Variants in DTD1 observed in about 807,000 individuals in gnomAD.
DTD1 encodes the protein D-aminoacyl-tRNA deacylase 1, also known as D-tyrosyl-tRNA deacylase 1 homolog.
In DTD1, 13 loss-of-function variants were observed where a neutral mutation model predicts 25.6. The observed-to-expected ratio is 0.51, with a 90% confidence interval of 0.33 to 0.81. DTD1 has a LOEUF of 0.81. Ranked by LOEUF, DTD1 falls within the 30% of genes least tolerant of loss-of-function variation. The pLI, the probability that DTD1 is intolerant of heterozygous loss-of-function variation, is 0.02. For missense variants in DTD1, 193 were observed against 266.4 expected (o/e 0.72, Z 1.92); for synonymous variants, 110 against 103.6 (o/e 1.06, Z -0.37).
At chr20:18,626,008 C>T (rs1267406996) in intron 3 of DTD1, among the ~76,000 whole-genome samples, 2 of 152,212 alleles carry the variant, frequency 1.3e-5, no homozygotes, top group South Asian at 2.1e-4. Flanking sequence ...CATTGGTACA[C>T]GCCTTTTGTT....
chr20:18,643,469 G>T (rs2060838240), intron 4 of DTD1: 1 of 194,780 alleles, frequency 5.1e-6, no homozygotes. Context: ...CTTCTGTATT[G>T]ATTTCTAAAG....
chr20:18,598,662 T>C (rs1262364611), intron 3 of DTD1, among the ~76,000 whole-genome samples: 1 of 137,162 alleles, frequency 7.3e-6, no homozygotes, highest in Admixed American at 7.8e-5. Flanking sequence ...CACACCCGGC[T>C]AATTTTTTTT....
At chr20:18,716,052 T>C (rs376629692) in intron 4 of DTD1, among the ~76,000 whole-genome samples, 15 of 152,320 alleles carry the variant, frequency 9.8e-5, no homozygotes, top group African/African-American at 3.6e-4. Context: ...CTTGGTTTGC[T>C]AGAAGCTTCA....
At chr20:18,653,384 A>G (rs191913153) in intron 4 of DTD1, among the ~76,000 whole-genome samples, 12 of 152,184 alleles carry the variant, frequency 7.9e-5, no homozygotes, top group Non-Finnish European at 1.5e-4. Context: ...ACAGAGTGAG[A>G]CTCTGTCTCA....
intron 3 of DTD1, among the ~76,000 whole-genome samples, chr20:18,598,088 G>C (rs190195317): frequency 6.6e-6 from 1 of 152,156 alleles, no homozygotes; most frequent in African/African-American, 2.4e-5. Context: ...ATAGTGGTTT[G>C]CTGCATCCAT....
At chr20:18,694,995 CCA>C (rs1771041144) in intron 4 of DTD1, among the ~76,000 whole-genome samples, 1 of 152,050 alleles carries the variant, frequency 6.6e-6, no homozygotes, top group Admixed American at 6.5e-5. Flanking sequence ...AGTATATGTG[CCA>C]ATAGATTCCC....
intron 4 of DTD1, among the ~76,000 whole-genome samples, chr20:18,628,881 T>A (rs2060770561): frequency 6.6e-6 from 1 of 152,050 alleles, no homozygotes; most frequent in Non-Finnish European, 1.5e-5. Flanking sequence ...TTTCCATTCT[T>A]CCTTCCCAGT....
chr20:18,726,711 T>C (rs1214107419), intron 4 of DTD1, among the ~76,000 whole-genome samples: 1 of 152,154 alleles, frequency 6.6e-6, no homozygotes, highest in Non-Finnish European at 1.5e-5. Context: ...TTGATACCAT[T>C]CCCAATACCT....
chr20:18,648,832 T>A (rs1002610583), intron 4 of DTD1, among the ~76,000 whole-genome samples: 1 of 151,502 alleles, frequency 6.6e-6, no homozygotes, highest in African/African-American at 2.4e-5. Flanking sequence ...TCGTCTCTAC[T>A]AAAAATACAA....
chr20:18,661,834 A>G (rs140637014), intron 4 of DTD1, among the ~76,000 whole-genome samples: 90 of 152,364 alleles, frequency 5.9e-4, no homozygotes, highest in African/African-American at 2.1e-3. Flanking sequence ...GGTAATGTCC[A>G]GAAGAAATAT....
At chr20:18,681,047 C>G (rs561110061) in intron 4 of DTD1, among the ~76,000 whole-genome samples, 15 of 152,286 alleles carry the variant, frequency 9.8e-5, no homozygotes, top group African/African-American at 2.4e-4. Flanking sequence ...TAACCACTTG[C>G]AAGAAATAAG....
intron 1 of DTD1, among the ~76,000 whole-genome samples, chr20:18,589,206 C>G (rs2060579026): frequency 6.6e-6 from 1 of 151,710 alleles, no homozygotes; most frequent in South Asian, 2.1e-4. Context: ...CAAAAATTAG[C>G]CGGGAGCGGT....
chr20:18,748,346 A>C lies in DTD1; in HGVS notation c.*19+4075A>C, dbSNP rs1247921890. On this transcript the variant is annotated intron_variant, in intron 5 of 5. Coordinates refer to ENST00000377452, the MANE Select transcript of DTD1 (RefSeq NM_080820.6). ...TGTCTTGATTTTTGCTTTATATCTGATCAGTGCTTTGAAAATCTTTGGTTT... is the reference window on the plus strand; with the variant it reads ...TGTCTTGATTTTTGCTTTATATCTGCTCAGTGCTTTGAAAATCTTTGGTTT... 2.0e-5 allele frequency among the ~76,000 whole-genome samples: 3 copies of C among 152,304 alleles called. No individual in the cohort carries two copies. In the East Asian group the frequency reaches 5.8e-4, roughly 29 times the overall value.
At chr20:18,726,262 T>G (rs148339606) in intron 4 of DTD1, among the ~76,000 whole-genome samples, 2,904 of 152,294 alleles carry the variant, frequency 0.019, 55 homozygotes, top group Middle Eastern at 0.027. Flanking sequence ...GGGCATTTTC[T>G]TTTCAGGCTT....
At chr20:18,650,299 T>G (rs1160412849) in intron 4 of DTD1, among the ~76,000 whole-genome samples, 21 of 151,912 alleles carry the variant, frequency 1.4e-4, no homozygotes, top group Admixed American at 1.4e-3. Flanking sequence ...TAGCAGAGTA[T>G]TTAACTAAGT....
Position 18,754,501 on chromosome 20 carries a change from T to C in DTD1, c.*20-8859T>C, listed in dbSNP as rs550744312. ...ATAGACATCATCCCTTCAGTAGCTCTTAGAGGGAGGCACATTACCCCTTAT... is the reference window on the plus strand; with the variant it reads ...ATAGACATCATCCCTTCAGTAGCTCCTAGAGGGAGGCACATTACCCCTTAT... On this transcript the variant is annotated intron_variant, in intron 5 of 5. Coordinates refer to ENST00000377452, the MANE Select transcript of DTD1 (RefSeq NM_080820.6). Among the ~76,000 whole-genome samples the C allele has an allele frequency of 3.3e-5, 5 of 152,354 alleles. No homozygotes were observed. In the South Asian group the frequency reaches 1.0e-3, roughly 32 times the overall value.
At chr20:18,743,685 A>AG in intron 4 of DTD1, among the ~76,000 whole-genome samples, 2 of 148,128 alleles carry the variant, frequency 1.4e-5, no homozygotes, top group South Asian at 2.2e-4. Context: ...AAAAAAAAAA[A>AG]AAAAAAAAGA....
chr20:18,628,184 T>A lies in DTD1; in HGVS notation c.428T>A (p.Ile143Lys). ...VHIQNDGPVT[I>K]ELESPAPGTA... ...ATTCAGAATGATGGGCCTGTGACCA[T>A]AGAGCTGGAATCGCCAGCTCCCGGC... is the stretch of plus-strand genomic sequence containing the variant. Residue 143 changes from isoleucine (I) to lysine (K), a missense_variant, in exon 4 of 6, where the codon ATA becomes AAA. Coordinates refer to ENST00000377452, the MANE Select transcript of DTD1 (RefSeq NM_080820.6). 4 of 1,613,954 alleles carry A rather than the reference T, an allele frequency of 2.5e-6. No homozygotes were observed. Among genetic ancestry groups the A allele is most frequent in the Non-Finnish European group, 3.4e-6 (4 of 1,179,872 alleles).
chr20:18,600,263 T>C (rs2060628424), intron 3 of DTD1, among the ~76,000 whole-genome samples: 2 of 152,250 alleles, frequency 1.3e-5, no homozygotes, highest in South Asian at 2.1e-4. Context: ...CTATGATTCA[T>C]TTCAGATAAT....
Sources: gnomAD v4.1 joint callset for allele counts (sites outside exome capture counted in the v4.1 genomes callset) on GRCh38, gnomAD v4.1.1 for gene constraint, MANE v1.5 for transcripts, NCBI Gene and HGNC (gene_info 2026-07-23, HGNC 2026-07-21) for gene names.